Variants in RUNX1 observed in about 807,000 individuals in gnomAD.
The protein encoded by RUNX1 is runt-related transcription factor 1.
In RUNX1, 19 loss-of-function variants were observed where a neutral mutation model predicts 42.8. The observed-to-expected ratio is 0.44, with a 90% CI of 0.31 to 0.65. The LOEUF is 0.65. Among genes scored for constraint, RUNX1 ranks in the 30% least tolerant of loss-of-function variants. The pLI is 0.07. For synonymous variants in RUNX1, 271 were observed against 289.4 expected, an observed-to-expected ratio of 0.94 and a Z score of 0.64; for missense variants, 528 against 672.0, an observed-to-expected ratio of 0.79 and a Z score of 2.37.
At chr21:34,898,687 A>G (rs1384798691) in intron 2 of RUNX1, among the ~76,000 whole-genome samples, 1 of 152,100 alleles carries the variant, frequency 6.6e-6, no homozygotes, top group Non-Finnish European at 1.5e-5. Flanking sequence ...GATTGTGAAC[A>G]CCTTGCCAGC....
chr21:34,832,348 A>G (rs78821552), intron 7 of RUNX1, among the ~76,000 whole-genome samples: 2,252 of 152,298 alleles, frequency 0.015, 47 homozygotes, highest in African/African-American at 0.051. Context: ...AGGAAATCAG[A>G]TTAGATTCAC....
intron 2 of RUNX1, among the ~76,000 whole-genome samples, chr21:35,016,004 A>G (rs1023394694): frequency 1.3e-5 from 2 of 152,230 alleles, no homozygotes; most frequent in Admixed American, 6.5e-5. Context: ...TCATTATGAT[A>G]GTATACTTGA....
chr21:35,019,966 C>T (rs577466991), intron 2 of RUNX1, among the ~76,000 whole-genome samples: 74 of 152,186 alleles, frequency 4.9e-4, no homozygotes, highest in African/African-American at 1.6e-3. Context: ...AACTTGGTAT[C>T]GGGGAAGCAG....
intron 2 of RUNX1, among the ~76,000 whole-genome samples, chr21:34,911,154 G>A (rs1316468342): frequency 6.6e-6 from 1 of 152,186 alleles, no homozygotes; most frequent in African/African-American, 2.4e-5. Context: ...CATTAGGTGG[G>A]AAGGGGTCTC....
At position 35,001,335 on chromosome 21, in the gene RUNX1, C is replaced by T. The variant is rs540299167; in HGVS notation, c.58+47507G>A. 2.5e-4 allele frequency among the ~76,000 whole-genome samples: 34 copies of T among 137,942 alleles called. No homozygotes were observed. In the South Asian group the frequency reaches 7.1e-3, roughly 29 times the overall value. The allele number at this position is 137,942 out of a possible 152,430, so 90.5% of individuals were successfully genotyped here. ...ATATATATATATATATATATATATA[C>T]GCATATATAACATACAGTTTGACAT... On this transcript the variant is annotated intron_variant, in intron 2 of 8. Transcript: ENST00000675419.
At chr21:34,976,148 A>G (rs1223517343) in intron 2 of RUNX1, among the ~76,000 whole-genome samples, 4 of 152,026 alleles carry the variant, frequency 2.6e-5, no homozygotes, top group Admixed American at 6.6e-5. Flanking sequence ...AAAAAATTAC[A>G]GAAGAAAAGC....
chr21:34,914,096 A>G (rs2058293724), intron 2 of RUNX1, among the ~76,000 whole-genome samples: 1 of 152,216 alleles, frequency 6.6e-6, no homozygotes, highest in Non-Finnish European at 1.5e-5. Flanking sequence ...AGTGTGAAGC[A>G]GGAGCCATTC....
At position 34,954,899 on chromosome 21, in the gene RUNX1, C is replaced by T. The variant is rs532738376; in HGVS notation, c.59-61936G>A. ...TTGTGATGGCAGCTGGCATTAATTACTCTGATTTTGACATTACTTCTTGGC... is the reference window on the plus strand; with the variant it reads ...TTGTGATGGCAGCTGGCATTAATTATTCTGATTTTGACATTACTTCTTGGC... On this transcript the variant is annotated intron_variant, in intron 2 of 8. Transcript: ENST00000675419. Among the ~76,000 whole-genome samples, 20 of 152,266 alleles carry T rather than the reference C, an allele frequency of 1.3e-4. 1 individual carries two copies. In the South Asian group the frequency reaches 4.1e-3, roughly 32 times the overall value.
At chr21:34,849,417 T>TAGTATACTATATTA (rs550638726) in intron 6 of RUNX1, among the ~76,000 whole-genome samples, 3 of 45,526 alleles carry the variant, frequency 6.6e-5, no homozygotes, top group African/African-American at 2.4e-4. Context: ...ATATAATATA[T>TAGTATACTATATTA]TATATAGTAT....
chr21:34,878,790 C>T (rs1488246602), intron 5 of RUNX1, among the ~76,000 whole-genome samples: 8 of 152,190 alleles, frequency 5.3e-5, no homozygotes, highest in African/African-American at 1.9e-4. Flanking sequence ...AGAAAGCACA[C>T]TGCTTTCAAA....
At chr21:34,808,309 G>C (rs1023829517) in intron 7 of RUNX1, among the ~76,000 whole-genome samples, 1 of 152,190 alleles carries the variant, frequency 6.6e-6, no homozygotes, top group African/African-American at 2.4e-5. Context: ...TGTTTTAAAG[G>C]CCTCAGGTTT....
chr21:34,959,203 T>TA (rs924141449), intron 2 of RUNX1, among the ~76,000 whole-genome samples: 2 of 148,924 alleles, frequency 1.3e-5, no homozygotes, highest in Non-Finnish European at 3.0e-5. Context: ...AGTATAATAA[T>TA]AAAAAAAGAC....
intron 5 of RUNX1, among the ~76,000 whole-genome samples, chr21:34,873,374 G>C (rs11910742): frequency 0.19 from 28,341 of 152,212 alleles, 3,984 homozygotes; most frequent in African/African-American, 0.39. Context: ...GATAGGTGAT[G>C]GGGGAGGTGG....
rs141422458 is a variant in RUNX1, at chr21:34,992,982, T to C, written c.58+55860A>G. ...CGGAGACTCCCTCCGGGTGGTTCTC[T>C]AGGCAGAGCTGCCAGCAGGGTGGAC... On this transcript the variant is annotated intron_variant, in intron 2 of 8. Coordinates refer to ENST00000675419, the MANE Select transcript of RUNX1 (RefSeq NM_001754.5). Among the ~76,000 whole-genome samples the C allele has an allele frequency of 1.3e-4, 20 of 152,336 alleles. No homozygotes were observed. The East Asian group carries it at 3.9e-3, about 29-fold the overall frequency.
chr21:34,924,589 G>A (rs541592234), intron 2 of RUNX1, among the ~76,000 whole-genome samples: 9 of 152,288 alleles, frequency 5.9e-5, no homozygotes, highest in Admixed American at 2.0e-4. Context: ...ACTCCTATGC[G>A]GTTTAGTATC....
Position 35,049,265 on chromosome 21 carries a change from C to T in RUNX1, c.-157G>A, listed in dbSNP as rs778167304. On this transcript the variant is annotated 5_prime_UTR_variant, in exon 1 of 9. Transcript: ENST00000675419. The stretch of plus-strand genomic sequence containing the variant: ...CTTCTGACACTGCCAGGCTACCCAA[C>T]TTGTGGTTCTGTGGTTGTTTATGAG... 28 of 260,478 alleles carry T rather than the reference C, an allele frequency of 1.1e-4. No homozygotes were observed. The highest frequency in any genetic ancestry group is 1.9e-4 in the Non-Finnish European group (25 of 131,838). 16.1% of individuals were successfully genotyped at this position (260,478 alleles called of 1,614,324 possible).
intron 7 of RUNX1, among the ~76,000 whole-genome samples, chr21:34,808,143 T>C (rs1480767354): frequency 6.6e-6 from 1 of 151,912 alleles, no homozygotes; most frequent in African/African-American, 2.4e-5. Flanking sequence ...AAAAGGGAGG[T>C]TGTGAAACAG....
Position 34,907,677 on chromosome 21 carries a change from G to C in RUNX1, c.59-14714C>G, listed in dbSNP as rs556155668. ...AAGTCTAAAATCATGCCATGTAAAAGTTATCAAGAAAACCAATTAAATCAT... is the reference window on the plus strand; with the variant it reads ...AAGTCTAAAATCATGCCATGTAAAACTTATCAAGAAAACCAATTAAATCAT... On this transcript the variant is annotated intron_variant, in intron 2 of 8. Transcript: ENST00000675419. The surrounding 1 kb of genome is among the most constrained non-coding windows in gnomAD (Gnocchi z 5.3). 1.6e-3 allele frequency among the ~76,000 whole-genome samples: 237 copies of C among 152,206 alleles called. 2 individuals are homozygous for C. Among genetic ancestry groups the C allele is most frequent in the African/African-American group, 5.7e-3 (236 of 41,520 alleles).
chr21:34,968,560 CT>C (rs1304263999), intron 2 of RUNX1, among the ~76,000 whole-genome samples: 2 of 152,138 alleles, frequency 1.3e-5, no homozygotes, highest in African/African-American at 4.8e-5. Context: ...GACTAAGACC[CT>C]CTAGAATGTT....
Sources: gnomAD v4.1 joint callset for allele counts (sites outside exome capture counted in the v4.1 genomes callset) on GRCh38, gnomAD v4.1.1 for gene constraint, Gnocchi (gnomAD v3.1) non-coding constraint, MANE v1.5 for transcripts, NCBI Gene and HGNC (gene_info 2026-07-23, HGNC 2026-07-21) for gene names.